The following BARD1 variants were observed in gnomAD, a reference collection of about 807,000 sequenced individuals.
BARD1 encodes the protein BRCA1 associated RING domain 1.
BARD1 carries 73 observed loss-of-function variants against 77.0 expected under a neutral mutation model. That is an observed-to-expected ratio of 0.95 (90% CI 0.79 to 1.15). The LOEUF is 1.15. Ranked by LOEUF, BARD1 falls within the 50% of genes most tolerant of loss-of-function variation. BARD1 has a pLI of 0.00. For synonymous variants in BARD1, 384 were observed against 338.0 expected, an observed-to-expected ratio of 1.14 and a Z score of -1.49; for missense variants, 993 against 938.8, an observed-to-expected ratio of 1.06 and a Z score of -0.75.
In BARD1 at chr2:214,761,180, A is replaced by T. The variant is rs576129603; in HGVS notation, c.1568+6302T>A. Among the ~76,000 whole-genome samples, 84 of 152,168 alleles carry T rather than the reference A, an allele frequency of 5.5e-4. 1 individual carries two copies. The highest frequency in any genetic ancestry group is 9.2e-4 in the Admixed American group (14 of 15,290). ...AAAACTAGAGAGATCTCCAAAAATT[A>T]TATAATATGTGAGTTATCAAAATAG... On this transcript the variant is annotated intron_variant, in intron 6 of 10. Transcript: ENST00000260947.
intron 7 of BARD1, among the ~76,000 whole-genome samples, chr2:214,751,442 T>A (rs1354093688): frequency 6.6e-6 from 1 of 151,592 alleles, no homozygotes; most frequent in African/African-American, 2.4e-5. Flanking sequence ...GGATTACAGG[T>A]GCGATCCACT....
rs587781948 is a variant in BARD1, at chr2:214,730,491, G to A, written c.1921C>T (p.Arg641Ter). 19 of 1,613,374 alleles carry A rather than the reference G, an allele frequency of 1.2e-5. No individual in the cohort carries two copies. The highest frequency in any genetic ancestry group is 5.3e-5 in the African/African-American group (4 of 74,826). Residue 641 changes from arginine (R) to a stop codon, truncating the protein, a stop_gained, in exon 10 of 11, where the codon CGA (arginine) becomes TGA (stop). Transcript: ENST00000260947. LOFTEE classifies it high-confidence loss of function. ...TCTTCCTGTTCACATACTTTTCTTC[G>A]TAGACATGCTTTTACCCCTGACAAA... ...LKFEWVKACL[R>*]RKVCEQEEKY... is the part of the protein sequence containing the mutation.
Position 214,781,118 on chromosome 2 carries a change from AG to A in BARD1, c.755del (p.Pro252LeufsTer3), listed in dbSNP as rs1553622471. The A allele has an allele frequency of 1.3e-6, 2 of 1,577,002 alleles. No homozygotes were observed. The highest frequency in any genetic ancestry group is 1.7e-6 in the Non-Finnish European group (2 of 1,165,042). ...GTAAGTCTATTTCACCATTTATCTGAGGACTGGAGATAACAGATGGTTGGCT... is the reference window on the plus strand; with the variant it reads ...GTAAGTCTATTTCACCATTTATCTGAGACTGGAGATAACAGATGGTTGGCT... ...FCSQPSVISS[P>X]QINGEIDLLA... On this transcript the variant is annotated frameshift_variant, in exon 4 of 11. Coordinates refer to ENST00000260947, the MANE Select transcript of BARD1 (RefSeq NM_000465.4). LOFTEE classifies it high-confidence loss of function.
chr2:214,752,221 T>C (rs1452346988), intron 7 of BARD1, among the ~76,000 whole-genome samples: 1 of 152,232 alleles, frequency 6.6e-6, no homozygotes, highest in Non-Finnish European at 1.5e-5. Context: ...GTCATATTCA[T>C]TGTTTTATGA....
chr2:214,808,334 G>C (rs533320321), intron 1 of BARD1, among the ~76,000 whole-genome samples: 69 of 152,320 alleles, frequency 4.5e-4, no homozygotes, highest in Non-Finnish European at 7.4e-4. Context: ...GCGTGAACCC[G>C]GGAGGCGGAG....
At chr2:214,794,124 G>A (rs1249736160) in intron 2 of BARD1, among the ~76,000 whole-genome samples, 6 of 151,968 alleles carry the variant, frequency 3.9e-5, no homozygotes, top group South Asian at 2.1e-4. Context: ...GTGGTGGGGT[G>A]CACCTGTAGT....
chr2:214,772,919 T>C (rs1034514005), intron 4 of BARD1, among the ~76,000 whole-genome samples: 5 of 152,206 alleles, frequency 3.3e-5, no homozygotes, highest in African/African-American at 1.2e-4. Context: ...TTTGGGCTCC[T>C]CACAACTTGA....
chr2:214,731,570 T>C (rs1488280081), intron 9 of BARD1, among the ~76,000 whole-genome samples: 1 of 152,206 alleles, frequency 6.6e-6, no homozygotes, highest in African/African-American at 2.4e-5. Context: ...AAATAAAAAA[T>C]GAAAACAATG....
chr2:214,789,700 A>G (rs1249225366), intron 3 of BARD1, among the ~76,000 whole-genome samples: 1 of 152,158 alleles, frequency 6.6e-6, no homozygotes, highest in East Asian at 1.9e-4. Context: ...TAAGAAATTT[A>G]CAACACAACT....
intron 9 of BARD1, 86 bp downstream of exon 9, chr2:214,744,981 C>T: frequency 1.7e-6 from 2 of 1,185,696 alleles, no homozygotes; most frequent in South Asian, 1.3e-5. Context: ...AAATTAACAT[C>T]AAGTTCCTTA....
intron 9 of BARD1, among the ~76,000 whole-genome samples, chr2:214,732,544 C>T (rs1316921990): frequency 1.3e-5 from 2 of 151,970 alleles, no homozygotes; most frequent in Non-Finnish European, 2.9e-5. Flanking sequence ...TACAGGCGCC[C>T]GCCACCATGT....
chr2:214,771,051 C>T (rs1423219834), intron 4 of BARD1, among the ~76,000 whole-genome samples: 1 of 152,128 alleles, frequency 6.6e-6, no homozygotes, highest in Non-Finnish European at 1.5e-5. Context: ...CAATGTCAGG[C>T]TTTAGGAAGA....
In BARD1 at chr2:214,745,705, A is replaced by G. The variant is rs2106020485; in HGVS notation, c.1810+17T>C. On this transcript the variant is annotated intron_variant, in intron 8 of 10. Transcript: ENST00000260947. ...AACATTTTTTCTACCCCACCTCCCA[A>G]AATTCAAAATCCTCACCTGTACTGT... is the stretch of plus-strand genomic sequence containing the variant. 1 of 1,613,976 alleles carries G rather than the reference A, an allele frequency of 6.2e-7. No individual in the cohort carries two copies. The highest frequency in any genetic ancestry group is 2.2e-5 in the East Asian group (1 of 44,842).
intron 4 of BARD1, among the ~76,000 whole-genome samples, chr2:214,771,659 C>T (rs1014503674): frequency 1.3e-5 from 2 of 151,244 alleles, no homozygotes; most frequent in South Asian, 2.1e-4. Context: ...ACCCAGGAGG[C>T]GGAGGTTGCA....
chr2:214,757,562 C>T (rs1428243483), intron 6 of BARD1, among the ~76,000 whole-genome samples: 1 of 151,988 alleles, frequency 6.6e-6, no homozygotes, highest in South Asian at 2.1e-4. Flanking sequence ...ATATATATTG[C>T]ATATATCAGA....
chr2:214,780,955 A>G lies in BARD1; in HGVS notation c.919T>C (p.Tyr307His), dbSNP rs1694981227. ...GGCAAAGATTTCTTAGATGTAAGAT[A>G]ATTTTTGCAGACCTTCTCAGGAGTC... ...VVTPEKVCKN[Y>H]LTSKKSLPLE... Residue 307 changes from tyrosine to histidine, a missense_variant, in exon 4 of 11, where the codon TAT becomes CAT. Coordinates refer to ENST00000260947, the MANE Select transcript of BARD1 (RefSeq NM_000465.4). 1.2e-6 allele frequency: 2 copies of G among 1,613,722 alleles called. No individual in the cohort carries two copies. The highest frequency in any genetic ancestry group is 1.6e-4 in the Middle Eastern group (1 of 6,062).
intron 1 of BARD1, among the ~76,000 whole-genome samples, chr2:214,802,362 T>C (rs1005994429): frequency 6.6e-6 from 1 of 152,216 alleles, no homozygotes; most frequent in African/African-American, 2.4e-5. Context: ...GTTCTGGGCA[T>C]GTTTAAGGTA....
intron 3 of BARD1, among the ~76,000 whole-genome samples, chr2:214,791,499 T>A (rs1038710190): frequency 1.3e-5 from 2 of 152,212 alleles, no homozygotes; most frequent in African/African-American, 4.8e-5. Flanking sequence ...AAAAGACAAC[T>A]CTAATATCCA....
intron 1 of BARD1, among the ~76,000 whole-genome samples, chr2:214,803,852 A>G (rs891278638): frequency 2.0e-5 from 3 of 152,226 alleles, no homozygotes; most frequent in South Asian, 2.1e-4. Context: ...CCACCCCTTC[A>G]GATCAGTGCT....
Sources: allele counts gnomAD v4.1 joint callset (sites outside exome capture counted in the v4.1 genomes callset), GRCh38; gene constraint gnomAD v4.1.1; transcripts MANE v1.5; gene names NCBI Gene and HGNC (gene_info 2026-07-23, HGNC 2026-07-21).